CSMD2: variants seen among roughly 807,000 people sequenced by gnomAD.
CSMD2 encodes CUB and Sushi multiple domains 2.
CSMD2 carries 130 observed loss-of-function variants against 398.5 expected under a neutral mutation model. The observed-to-expected ratio is 0.33, with a 90% CI of 0.28 to 0.38. CSMD2 has a LOEUF of 0.38. Ranked by LOEUF, CSMD2 falls within the 10% of genes least tolerant of loss-of-function variation. The pLI is 1.00. For synonymous variants in CSMD2, 1,828 were observed against 1,908.5 expected (o/e 0.96, Z 1.10); for missense variants, 3,829 against 4,764.9 (o/e 0.80, Z 5.78).
intron 3 of CSMD2, among the ~76,000 whole-genome samples, chr1:33,991,270 G>A (rs1212486569): frequency 2.6e-5 from 4 of 152,236 alleles, no homozygotes; most frequent in South Asian, 2.1e-4. Flanking sequence ...GCCTCCCAAA[G>A]TGCTGGGATT....
chr1:34,152,546 C>T (rs763904146), intron 1 of CSMD2, among the ~76,000 whole-genome samples: 5 of 152,184 alleles, frequency 3.3e-5, no homozygotes, highest in South Asian at 4.1e-4. Context: ...TCTCACTCAA[C>T]CAGGAGCCCA....
At chr1:33,744,990 C>T (rs1647226542) in intron 13 of CSMD2, among the ~76,000 whole-genome samples, 1 of 152,070 alleles carries the variant, frequency 6.6e-6, no homozygotes, top group Admixed American at 6.6e-5. Flanking sequence ...AAAAGAGCCA[C>T]CTAGCCAAAG....
chr1:33,575,997 T>C (rs1183053902), intron 49 of CSMD2, among the ~76,000 whole-genome samples: 1 of 152,176 alleles, frequency 6.6e-6, no homozygotes, highest in Non-Finnish European at 1.5e-5. Flanking sequence ...TTAAATGCAG[T>C]GCCTAACGTT....
rs11800213 is a variant in CSMD2 at position 33,876,576 on chromosome 1, C to G, written c.921-29580G>C. Among the ~76,000 whole-genome samples, 936 of 152,324 alleles carry G rather than the reference C, an allele frequency of 6.1e-3. 16 individuals are homozygous for G. The highest frequency in any genetic ancestry group is 0.021 in the African/African-American group (861 of 41,560). ...TGTATTTACTCATCTATTACAGCAA[C>G]CCTTTATAACCTGTGGCTTGCAGGT... On this transcript the variant is annotated intron_variant, in intron 5 of 70. Transcript: ENST00000373381.
chr1:33,790,845 C>CT (rs1553207628), intron 11 of CSMD2, among the ~76,000 whole-genome samples: 16 of 128,698 alleles, frequency 1.2e-4, no homozygotes, highest in Admixed American at 6.3e-4. Context: ...ATCTATCTAT[C>CT]ATCTATCTAT....
rs544699951 is a variant in CSMD2 at position 33,601,030 on chromosome 1, T to A, written c.6711-20A>T. 1.2e-5 allele frequency: 19 copies of A among 1,613,758 alleles called. No individual in the cohort carries two copies. Among genetic ancestry groups the A allele is most frequent in the East Asian group, 2.2e-5 (1 of 44,870 alleles). ...CCATCCCTGTACACAGGAAACAAGG[T>A]CCTGGCATGTCACTAGTCACCATGG... On this transcript the variant is annotated intron_variant, in intron 43 of 70. Transcript: ENST00000373381.
chr1:33,680,343 T>C (rs1644865723), intron 25 of CSMD2, among the ~76,000 whole-genome samples: 1 of 152,132 alleles, frequency 6.6e-6, no homozygotes, highest in African/African-American at 2.4e-5. Flanking sequence ...GTTTCCCATG[T>C]GGGCACCAGC....
chr1:33,709,706 C>T (rs1645921723), intron 21 of CSMD2, among the ~76,000 whole-genome samples: 2 of 152,166 alleles, frequency 1.3e-5, no homozygotes, highest in African/African-American at 4.8e-5. Flanking sequence ...GGGGCAAGAT[C>T]ACATCATAAT....
chr1:33,944,754 A>C (rs953161455), intron 3 of CSMD2, among the ~76,000 whole-genome samples: 9 of 152,166 alleles, frequency 5.9e-5, no homozygotes, highest in Non-Finnish European at 1.2e-4. Context: ...AAACTGAGGA[A>C]CAGCCGGGCT....
chr1:33,925,274 C>A (rs1289138563), intron 4 of CSMD2, among the ~76,000 whole-genome samples: 1 of 152,086 alleles, frequency 6.6e-6, no homozygotes, highest in Non-Finnish European at 1.5e-5. Context: ...ATATGGTTAT[C>A]CAGTTTTCCC....
intron 7 of CSMD2, 145 bp from the exon 8 acceptor site, chr1:33,820,701 G>A (rs1336246400): frequency 3.2e-6 from 2 of 624,754 alleles, no homozygotes; most frequent in Non-Finnish European, 5.6e-6. Flanking sequence ...GCTGTGTGGG[G>A]TGGCCGGAGT....
chr1:33,712,820 T>G (rs1385007034), intron 21 of CSMD2, among the ~76,000 whole-genome samples: 1 of 152,122 alleles, frequency 6.6e-6, no homozygotes, highest in Non-Finnish European at 1.5e-5. Context: ...TTCTATGTGT[T>G]TCTGAGTGTG....
chr1:34,120,703 C>A (rs1414537615), intron 1 of CSMD2, among the ~76,000 whole-genome samples: 1 of 152,154 alleles, frequency 6.6e-6, no homozygotes, highest in African/African-American at 2.4e-5. Context: ...TGCCACCATG[C>A]CCGGCTAATT....
intron 43 of CSMD2, among the ~76,000 whole-genome samples, chr1:33,601,981 A>C (rs562559785): frequency 2.5e-4 from 38 of 152,356 alleles, no homozygotes; most frequent in African/African-American, 8.9e-4. Context: ...GGGACATCAC[A>C]AAATTCCACC....
At chr1:33,741,644 T>G (rs1411514600) in intron 14 of CSMD2, among the ~76,000 whole-genome samples, 1 of 152,224 alleles carries the variant, frequency 6.6e-6, no homozygotes, top group Non-Finnish European at 1.5e-5. Flanking sequence ...TCCTTTGACC[T>G]CTCCCATTTT....
At chr1:34,039,867 T>C (rs1651633564) in intron 2 of CSMD2, among the ~76,000 whole-genome samples, 1 of 151,952 alleles carries the variant, frequency 6.6e-6, no homozygotes, top group Admixed American at 6.6e-5. Context: ...ATAAAAGAGG[T>C]AGAGGCCAGG....
chr1:33,742,527 C>A (rs1482117630), intron 14 of CSMD2, among the ~76,000 whole-genome samples: 1 of 151,696 alleles, frequency 6.6e-6, no homozygotes, highest in African/African-American at 2.4e-5. Context: ...GACCTGATAA[C>A]CACTTCTTGC....
intron 15 of CSMD2, among the ~76,000 whole-genome samples, chr1:33,730,755 G>A (rs1407329720): frequency 6.6e-6 from 1 of 152,084 alleles, no homozygotes; most frequent in Non-Finnish European, 1.5e-5. Context: ...GGGATTTTCA[G>A]CAAGAGTGAA....
intron 65 of CSMD2, among the ~76,000 whole-genome samples, chr1:33,526,934 G>A (rs1654828287): frequency 1.3e-5 from 2 of 152,228 alleles, no homozygotes; most frequent in East Asian, 1.9e-4. Flanking sequence ...AGGAGGGGCT[G>A]TAGTAATCAA....
Sources: allele counts gnomAD v4.1 joint callset (sites outside exome capture counted in the v4.1 genomes callset), GRCh38; gene constraint gnomAD v4.1.1; transcripts MANE v1.5; gene names NCBI Gene and HGNC (gene_info 2026-07-23, HGNC 2026-07-21).